Variants in SMAP1 observed in about 807,000 individuals in gnomAD.
The protein encoded by SMAP1 is stromal membrane-associated protein 1.
A neutral mutation model predicts 58.5 loss-of-function variants in SMAP1; 24 were observed. That is an observed-to-expected ratio of 0.41 (90% confidence interval 0.30 to 0.58). The LOEUF is 0.58. Among genes scored for constraint, SMAP1 ranks in the 20% least tolerant of loss-of-function variants. The probability of loss-of-function intolerance (pLI) is 0.29; values close to 1 mark genes in which losing one functional copy is unlikely to be tolerated. For synonymous variants in SMAP1, 216 were observed against 196.6 expected, an observed-to-expected ratio of 1.10 and a Z score of -0.82; for missense variants, 563 against 566.3, an observed-to-expected ratio of 0.99 and a Z score of 0.06.
intron 6 of SMAP1, among the ~76,000 whole-genome samples, chr6:70,824,290 C>A (rs1399123778): frequency 2.0e-5 from 3 of 152,076 alleles, no homozygotes; most frequent in African/African-American, 7.2e-5. Context: ...ATTATTTCAG[C>A]AGTCATAAGG....
At chr6:70,741,654 C>A (rs960073903) in intron 2 of SMAP1, among the ~76,000 whole-genome samples, 1 of 152,146 alleles carries the variant, frequency 6.6e-6, no homozygotes, top group African/African-American at 2.4e-5. Context: ...AGGATGGTGA[C>A]CCTCTTCTCG....
chr6:70,677,706 A>C (rs962871366), intron 1 of SMAP1, among the ~76,000 whole-genome samples: 2 of 151,992 alleles, frequency 1.3e-5, no homozygotes, highest in African/African-American at 4.8e-5. Flanking sequence ...TCCTATTGAG[A>C]TATGGATTGT....
chr6:70,820,294 CTA>C (rs1422450560), intron 6 of SMAP1, among the ~76,000 whole-genome samples: 1 of 151,828 alleles, frequency 6.6e-6, no homozygotes, highest in East Asian at 1.9e-4. Flanking sequence ...TGTCATTTTT[CTA>C]TAGGTAATAG....
chr6:70,793,227 G>A lies in SMAP1; in HGVS notation c.495+1458G>A, dbSNP rs1768446131. On this transcript the variant is annotated intron_variant, in intron 5 of 10. Coordinates refer to ENST00000370455, the MANE Select transcript of SMAP1 (RefSeq NM_001044305.3). ...TTTTTGTATTTTTAGTAGAGACAGGGTTTCGCCATGTTGGCCAGGATGGTC... is the reference window on the plus strand; with the variant it reads ...TTTTTGTATTTTTAGTAGAGACAGGATTTCGCCATGTTGGCCAGGATGGTC... 2.0e-5 allele frequency among the ~76,000 whole-genome samples: 3 copies of A among 152,140 alleles called. No individual in the cohort carries two copies. In the South Asian group the frequency reaches 6.2e-4, roughly 32 times the overall value.
Position 70,860,418 on chromosome 6 carries a change from A to G in SMAP1, c.*84A>G, listed in dbSNP as rs1771665578. On this transcript the variant is annotated 3_prime_UTR_variant, in exon 11 of 11. Transcript: ENST00000370455. ...CTAGTTCCCCTGTTTATTCATATGC[A>G]TATTTTTTTTCTTTTTACCCATTTG... 5.4e-6 allele frequency: 8 copies of G among 1,487,772 alleles called. No individual in the cohort carries two copies. The highest frequency in any genetic ancestry group is 1.4e-5 in the African/African-American group (1 of 70,292). 92.2% of individuals were successfully genotyped at this position (1,487,772 alleles called of 1,614,324 possible). A position where few individuals can be genotyped will look rare whatever the true frequency, so the allele number is the denominator to read the frequency against.
chr6:70,768,906 C>G (rs1167194436), intron 3 of SMAP1, among the ~76,000 whole-genome samples: 1 of 151,984 alleles, frequency 6.6e-6, no homozygotes, highest in East Asian at 1.9e-4. Context: ...AAATTTCCCT[C>G]TACACACTGC....
intron 1 of SMAP1, among the ~76,000 whole-genome samples, chr6:70,721,314 T>G (rs994137661): frequency 5.3e-5 from 8 of 152,142 alleles, no homozygotes; most frequent in African/African-American, 1.7e-4. Flanking sequence ...TCCACAAACC[T>G]CTAGGGCAGG....
At chr6:70,744,876 G>A (rs1003959052) in intron 2 of SMAP1, among the ~76,000 whole-genome samples, 4 of 152,338 alleles carry the variant, frequency 2.6e-5, no homozygotes, top group African/African-American at 9.6e-5. Flanking sequence ...TAACTGGTGT[G>A]AGATGGTATC....
intron 10 of SMAP1, chr6:70,858,846 T>A (rs1358937990): frequency 6.5e-6 from 1 of 152,836 alleles, no homozygotes; most frequent in Admixed American, 6.5e-5. Context: ...ACAAAAAGAT[T>A]CAATTCCCAT....
chr6:70,836,427 T>A (rs543773191), intron 6 of SMAP1, among the ~76,000 whole-genome samples: 2 of 152,278 alleles, frequency 1.3e-5, no homozygotes, highest in South Asian at 2.1e-4. Context: ...TTATGGGAGC[T>A]ATAAGATGAG....
intron 1 of SMAP1, among the ~76,000 whole-genome samples, chr6:70,725,825 TAAAGC>T (rs2149853296): frequency 6.6e-6 from 1 of 152,284 alleles, no homozygotes; most frequent in South Asian, 2.1e-4. Context: ...AGGAAAGAAA[TAAAGC>T]AAACTTATAA....
intron 5 of SMAP1, among the ~76,000 whole-genome samples, chr6:70,797,392 A>C (rs1261568721): frequency 6.6e-6 from 1 of 152,132 alleles, no homozygotes; most frequent in African/African-American, 2.4e-5. Flanking sequence ...TTGAAACTCA[A>C]TGTTATTACC....
intron 1 of SMAP1, among the ~76,000 whole-genome samples, chr6:70,679,079 A>G (rs780938372): frequency 1.3e-4 from 20 of 149,714 alleles, no homozygotes; most frequent in Non-Finnish European, 2.4e-4. Context: ...GCTGGAGTGC[A>G]TTGGCATGAT....
intron 4 of SMAP1, among the ~76,000 whole-genome samples, chr6:70,776,796 T>TC (rs945752639): frequency 6.6e-5 from 10 of 152,200 alleles, no homozygotes; most frequent in African/African-American, 2.4e-4. Flanking sequence ...CCCAGGATTA[T>TC]CCATGTTGCT....
intron 7 of SMAP1, among the ~76,000 whole-genome samples, chr6:70,840,380 A>G (rs1377109651): frequency 1.3e-5 from 2 of 152,218 alleles, no homozygotes; most frequent in Admixed American, 1.3e-4. Flanking sequence ...TCTACTACCC[A>G]TTCAAAGTTC....
At chr6:70,720,327 T>A (rs1768466093) in intron 1 of SMAP1, among the ~76,000 whole-genome samples, 1 of 152,184 alleles carries the variant, frequency 6.6e-6, no homozygotes, top group African/African-American at 2.4e-5. Flanking sequence ...TCCCATGGTC[T>A]TGGGCGGCTC....
chr6:70,838,000 AG>A lies in SMAP1; in HGVS notation c.664+973del, dbSNP rs542894916. On this transcript the variant is annotated intron_variant, in intron 7 of 10. Transcript: ENST00000370455. Reference sequence around the variant, plus strand: ...GTACAATTCTTCTATGATGGTAAAAAGTTGTGTATTAGAAATATAAAAAATA... The same window carrying A: ...GTACAATTCTTCTATGATGGTAAAAATTGTGTATTAGAAATATAAAAAATA... The A allele has an allele frequency of 1.7e-4, 150 of 903,808 alleles. No individual in the cohort carries two copies. In the African/African-American group the frequency reaches 2.6e-3, roughly 16 times the overall value. 56.0% of individuals were successfully genotyped at this position (903,808 alleles called of 1,614,324 possible). A position where few individuals can be genotyped will look rare whatever the true frequency, so the allele number is the denominator to read the frequency against.
At chr6:70,720,333 G>A (rs12190987) in intron 1 of SMAP1, among the ~76,000 whole-genome samples, 76,072 of 152,040 alleles carry the variant, frequency 0.5, 19,378 homozygotes, top group African/African-American at 0.53. Flanking sequence ...GGTCTTGGGC[G>A]GCTCTGCCCC....
intron 6 of SMAP1, among the ~76,000 whole-genome samples, chr6:70,831,014 C>T (rs190235322): frequency 1.4e-4 from 21 of 152,300 alleles, no homozygotes; most frequent in African/African-American, 5.1e-4. Context: ...AACTTCCTAT[C>T]TTATTTCATG....
Sources: gnomAD v4.1 joint callset for allele counts (sites outside exome capture counted in the v4.1 genomes callset) on GRCh38, gnomAD v4.1.1 for gene constraint, MANE v1.5 for transcripts, NCBI Gene and HGNC (gene_info 2026-07-23, HGNC 2026-07-21) for gene names.